Variants in EDIL3 observed in about 807,000 individuals in gnomAD.
The protein encoded by EDIL3 is EGF-like repeat and discoidin I-like domain-containing protein 3.
EDIL3 carries 37 observed loss-of-function variants against 67.4 expected under a neutral mutation model. The ratio of observed to expected loss-of-function variants is 0.55; its 90% confidence interval spans 0.42 to 0.72. The LOEUF (loss-of-function observed/expected upper bound fraction) is 0.72. EDIL3 is among the 30% of genes least tolerant of loss of function. The pLI, the probability that EDIL3 is intolerant of heterozygous loss-of-function variation, is 0.00. For synonymous variants in EDIL3, 195 were observed against 196.3 expected, an observed-to-expected ratio of 0.99 and a Z score of 0.05; for missense variants, 527 against 586.3, an observed-to-expected ratio of 0.90 and a Z score of 1.04.
chr5:84,182,097 T>C (rs1749022985), intron 3 of EDIL3, among the ~76,000 whole-genome samples: 1 of 151,904 alleles, frequency 6.6e-6, no homozygotes. Context: ...GAGAGTGCTA[T>C]AGAGAATGAC....
intron 1 of EDIL3, among the ~76,000 whole-genome samples, chr5:84,283,433 C>G (rs1044300120): frequency 6.6e-6 from 1 of 152,120 alleles, no homozygotes; most frequent in Admixed American, 6.6e-5. Context: ...TCTGGATTTG[C>G]TGAGGTATCT....
chr5:83,978,290 A>G (rs1744907835), intron 9 of EDIL3, among the ~76,000 whole-genome samples: 1 of 151,854 alleles, frequency 6.6e-6, no homozygotes, highest in African/African-American at 2.4e-5. Context: ...CAGAATGGGC[A>G]TCTACACAGA....
intron 1 of EDIL3, among the ~76,000 whole-genome samples, chr5:84,340,534 CTATATATATA>C (rs776456328): frequency 0.026 from 1,412 of 54,128 alleles, 38 homozygotes; most frequent in South Asian, 0.044. Flanking sequence ...CTCTCTCTCT[CTATATATATA>C]TATATATATA....
intron 1 of EDIL3, among the ~76,000 whole-genome samples, chr5:84,333,448 T>G (rs1346138472): frequency 6.6e-6 from 1 of 152,132 alleles, no homozygotes; most frequent in Non-Finnish European, 1.5e-5. Context: ...TAGTCCTGGT[T>G]TTCTGAACAA....
chr5:83,964,830 T>C (rs1744662578), intron 9 of EDIL3, among the ~76,000 whole-genome samples: 1 of 152,050 alleles, frequency 6.6e-6, no homozygotes, highest in African/African-American at 2.4e-5. Flanking sequence ...AAACATGTAT[T>C]ATATTATCTA....
At chr5:84,339,521 G>C (rs1747056077) in intron 1 of EDIL3, among the ~76,000 whole-genome samples, 1 of 152,044 alleles carries the variant, frequency 6.6e-6, no homozygotes. Flanking sequence ...AACTCTTAAG[G>C]AAGTTTGTGT....
chr5:84,099,228 T>C (rs1034198007), intron 6 of EDIL3, among the ~76,000 whole-genome samples: 1 of 152,204 alleles, frequency 6.6e-6, no homozygotes, highest in African/African-American at 2.4e-5. Flanking sequence ...ACTGACTTTC[T>C]TCACAGAATT....
At chr5:84,185,531 T>G (rs540897793) in intron 3 of EDIL3, among the ~76,000 whole-genome samples, 1 of 152,168 alleles carries the variant, frequency 6.6e-6, no homozygotes, top group Non-Finnish European at 1.5e-5. Flanking sequence ...CAGTAGGTGT[T>G]TGATACATTT....
At chr5:83,990,167 TG>T (rs1468235110) in intron 9 of EDIL3, among the ~76,000 whole-genome samples, 2 of 152,128 alleles carry the variant, frequency 1.3e-5, no homozygotes, top group Non-Finnish European at 2.9e-5. Context: ...TCTTTTAATT[TG>T]TAATAATTTG....
chr5:84,185,388 G>T (rs925294793), intron 3 of EDIL3, among the ~76,000 whole-genome samples: 2 of 152,112 alleles, frequency 1.3e-5, no homozygotes, highest in African/African-American at 2.4e-5. Flanking sequence ...TAATTATAAT[G>T]TGAGACTGAT....
chr5:84,341,040 C>T (rs960125477), intron 1 of EDIL3, among the ~76,000 whole-genome samples: 3 of 151,946 alleles, frequency 2.0e-5, no homozygotes, highest in African/African-American at 4.8e-5. Flanking sequence ...TGCCCTCATC[C>T]CTCCTCCAAC....
chr5:84,044,664 G>A (rs1299714980), intron 9 of EDIL3, among the ~76,000 whole-genome samples: 1 of 152,078 alleles, frequency 6.6e-6, no homozygotes, highest in Non-Finnish European at 1.5e-5. Flanking sequence ...ATTTTGTGTT[G>A]GGCTAGTAGT....
intron 6 of EDIL3, among the ~76,000 whole-genome samples, chr5:84,100,045 A>G (rs910767012): frequency 1.3e-5 from 2 of 152,194 alleles, no homozygotes; most frequent in Non-Finnish European, 2.9e-5. Flanking sequence ...CACACCAGTT[A>G]GAATGGCGAT....
In EDIL3 at chr5:84,089,929, TG is replaced by T. The variant is rs557458167; in HGVS notation, c.651+16719del. Among the ~76,000 whole-genome samples, 900 of 152,314 alleles carry T rather than the reference TG, an allele frequency of 5.9e-3. 6 individuals carry two copies. Among genetic ancestry groups the T allele is most frequent in the Non-Finnish European group, 9.1e-3 (616 of 68,030 alleles). On this transcript the variant is annotated intron_variant, in intron 6 of 10. Transcript: ENST00000296591. ...CCATCTTTAATAATTAAAATGTAAA[TG>T]GATTTTCGATGTTTTCATTATATTC...
intron 9 of EDIL3, among the ~76,000 whole-genome samples, chr5:84,032,507 C>CT (rs961034233): frequency 1.4e-3 from 217 of 151,470 alleles, no homozygotes; most frequent in African/African-American, 4.5e-3. Context: ...TCATCACATT[C>CT]TTTTTTTTTA....
At chr5:84,196,400 G>T (rs1236680412) in intron 3 of EDIL3, among the ~76,000 whole-genome samples, 1 of 151,862 alleles carries the variant, frequency 6.6e-6, no homozygotes, top group Non-Finnish European at 1.5e-5. Flanking sequence ...CTTAAAATTG[G>T]GAACCACAGT....
In EDIL3 at chr5:84,061,374, T is replaced by C. The variant is rs546985741; in HGVS notation, c.953-890A>G. Among the ~76,000 whole-genome samples, 16 of 152,286 alleles carry C rather than the reference T, an allele frequency of 1.1e-4. No homozygotes were observed. In the South Asian group the frequency reaches 2.5e-3, roughly 24 times the overall value. ...AGACACAAAATTTCCCAGTCTTGGA[T>C]TGCAACTGTGACAAAATGCTCTTTA... On this transcript the variant is annotated intron_variant, in intron 8 of 10. Coordinates refer to ENST00000296591, the MANE Select transcript of EDIL3 (RefSeq NM_005711.5).
chr5:84,293,041 G>A (rs1038779639), intron 1 of EDIL3, among the ~76,000 whole-genome samples: 6 of 151,888 alleles, frequency 4.0e-5, no homozygotes, highest in African/African-American at 1.5e-4. Context: ...CTTAAGTTTC[G>A]ACTTCCCAAA....
intron 1 of EDIL3, among the ~76,000 whole-genome samples, chr5:84,369,347 C>T (rs753723186): frequency 5.3e-5 from 8 of 151,670 alleles, no homozygotes; most frequent in Middle Eastern, 3.4e-3. Context: ...TAAAAAGGAA[C>T]GACAACACAA....
Sources: allele counts gnomAD v4.1 joint callset (sites outside exome capture counted in the v4.1 genomes callset), GRCh38; gene constraint gnomAD v4.1.1; transcripts MANE v1.5; gene names NCBI Gene and HGNC (gene_info 2026-07-23, HGNC 2026-07-21).